ADGRL3: variants seen among roughly 807,000 people sequenced by gnomAD.
ADGRL3 encodes the protein adhesion G protein-coupled receptor L3, also known as calcium-independent alpha-latrotoxin receptor 3.
In ADGRL3, 62 loss-of-function variants were observed where a neutral mutation model predicts 153.5. The ratio of observed to expected loss-of-function variants is 0.40; its 90% CI spans 0.33 to 0.50. ADGRL3 has a LOEUF of 0.50. Among genes scored for constraint, ADGRL3 ranks in the 20% least tolerant of loss-of-function variants. ADGRL3 has a pLI of 0.47. For missense variants in ADGRL3, 1,641 were observed against 1,859.4 expected (o/e 0.88, Z 2.16); for synonymous variants, 710 against 672.5 (o/e 1.06, Z -0.86).
At chr4:61,637,769 C>T (rs943393437) in intron 5 of ADGRL3, among the ~76,000 whole-genome samples, 4 of 151,832 alleles carry the variant, frequency 2.6e-5, no homozygotes, top group African/African-American at 9.7e-5. Flanking sequence ...CCCCCACCCC[C>T]CAAAAACGTC....
rs2098699142 is a variant in ADGRL3, at chr4:61,907,040, T to A, written c.1888-2520T>A. 2.0e-5 allele frequency among the ~76,000 whole-genome samples: 3 copies of A among 152,052 alleles called. No homozygotes were observed. In the South Asian group the frequency reaches 6.2e-4, roughly 32 times the overall value. ...AAAATAATTTTGTACATAATGATAC[T>A]GTTATATATTTAAATAGTAATGGTG... On this transcript the variant is annotated intron_variant, in intron 11 of 26. Transcript: ENST00000683033.
At chr4:61,420,788 TC>T (rs2097196959) in intron 2 of ADGRL3, 1 of 16,776 alleles carries the variant, frequency 6.0e-5, no homozygotes, top group African/African-American at 1.5e-4. Flanking sequence ...ATACCCAAGG[TC>T]AAAAAAAAAA....
At chr4:61,832,489 T>A (rs2097883300) in intron 9 of ADGRL3, among the ~76,000 whole-genome samples, 1 of 152,168 alleles carries the variant, frequency 6.6e-6, no homozygotes. Flanking sequence ...GAAAAGGAAA[T>A]TCTGCAGAAA....
At chr4:61,617,029 A>T (rs1017012376) in intron 5 of ADGRL3, among the ~76,000 whole-genome samples, 2 of 152,106 alleles carry the variant, frequency 1.3e-5, no homozygotes, top group African/African-American at 2.4e-5. Context: ...CCTTAAAATA[A>T]TTTTTTATAT....
At chr4:61,797,656 A>T (rs1561268336) in intron 8 of ADGRL3, among the ~76,000 whole-genome samples, 1 of 152,188 alleles carries the variant, frequency 6.6e-6, no homozygotes, top group African/African-American at 2.4e-5. Flanking sequence ...TACACAAGCC[A>T]AATGATAAAC....
intron 4 of ADGRL3, among the ~76,000 whole-genome samples, chr4:61,538,446 G>C (rs963673238): frequency 3.3e-5 from 5 of 151,822 alleles, no homozygotes; most frequent in African/African-American, 1.2e-4. Context: ...TTGTTTGTTT[G>C]TTTTTTTGTT....
chr4:61,822,345 C>T (rs1483082042), intron 9 of ADGRL3, among the ~76,000 whole-genome samples: 1 of 151,884 alleles, frequency 6.6e-6, no homozygotes. Context: ...TACCTTGTAT[C>T]AAACACAGAA....
At chr4:61,673,610 A>C (rs1303772108) in intron 5 of ADGRL3, among the ~76,000 whole-genome samples, 1 of 151,448 alleles carries the variant, frequency 6.6e-6, no homozygotes, top group Non-Finnish European at 1.5e-5. Flanking sequence ...TTATATCTTA[A>C]TTTCATTTTA....
At chr4:61,776,012 T>G (rs2097145300) in intron 8 of ADGRL3, among the ~76,000 whole-genome samples, 1 of 152,184 alleles carries the variant, frequency 6.6e-6, no homozygotes, top group Non-Finnish European at 1.5e-5. Context: ...GCCATTCTCC[T>G]GTCTCGGCCT....
intron 9 of ADGRL3, among the ~76,000 whole-genome samples, chr4:61,867,735 T>C (rs2098411514): frequency 6.6e-6 from 1 of 151,650 alleles, no homozygotes; most frequent in Non-Finnish European, 1.5e-5. Flanking sequence ...GAAGTCTGTG[T>C]TGTGGAGAAA....
At chr4:61,440,485 G>C (rs755100829) in intron 2 of ADGRL3, among the ~76,000 whole-genome samples, 3 of 152,194 alleles carry the variant, frequency 2.0e-5, no homozygotes, top group Non-Finnish European at 2.9e-5. Context: ...AGGTGATTCA[G>C]AGCCTATTTA....
chr4:61,383,091 A>T (rs1450255328), intron 1 of ADGRL3, 33 bp from the exon 2 acceptor site: 1 of 151,790 alleles, frequency 6.6e-6, no homozygotes, highest in African/African-American at 2.4e-5. Flanking sequence ...TTTTTCTCAT[A>T]ATCAAATTAA....
chr4:61,628,387 A>C (rs2149973478), intron 5 of ADGRL3, among the ~76,000 whole-genome samples: 1 of 152,288 alleles, frequency 6.6e-6, no homozygotes, highest in African/African-American at 2.4e-5. Flanking sequence ...CTTAATGATT[A>C]GTGGGATGAA....
Position 61,421,195 on chromosome 4 carries a change from T to A in ADGRL3, c.-174+38006T>A, listed in dbSNP as rs368969273. ...TAAAAATACAAAAAATTAGCTGGGC[T>A]TGGTGGCGGACGCCTGTAGTCCCAG... On this transcript the variant is annotated intron_variant, in intron 2 of 26. Transcript: ENST00000683033. Among the ~76,000 whole-genome samples the A allele has an allele frequency of 8.3e-3, 1,267 of 152,062 alleles. 27 individuals carry two copies. Among genetic ancestry groups the A allele is most frequent in the African/African-American group, 0.029 (1,191 of 41,484 alleles).
chr4:61,456,453 CTA>C lies in ADGRL3; in HGVS notation c.-173-40659_-173-40658del, dbSNP rs796588403. On this transcript the variant is annotated intron_variant, in intron 2 of 26. Coordinates refer to ENST00000683033, the MANE Select transcript of ADGRL3 (RefSeq NM_001387552.1). ...TCTATATATATAGATATATCTATAT[CTA>C]TATATATAGATATATCTATATCTAT... Among the ~76,000 whole-genome samples the C allele has an allele frequency of 7.2e-5, 7 of 97,810 alleles. 1 individual carries two copies. The highest frequency in any genetic ancestry group is 2.5e-4 in the African/African-American group (6 of 24,260). The allele number at this position is 97,810 out of a possible 152,430, so 64.2% of individuals were successfully genotyped here.
intron 8 of ADGRL3, among the ~76,000 whole-genome samples, chr4:61,737,980 A>G (rs763671133): frequency 6.6e-6 from 1 of 151,360 alleles, no homozygotes; most frequent in Non-Finnish European, 1.5e-5. Flanking sequence ...ATTTGGTTAC[A>G]TGAGTAAGTT....
At chr4:61,406,715 G>A (rs1680308336) in intron 2 of ADGRL3, among the ~76,000 whole-genome samples, 1 of 151,924 alleles carries the variant, frequency 6.6e-6, no homozygotes, top group African/African-American at 2.4e-5. Context: ...GGAGAGGCAA[G>A]GGTAGCTCAG....
rs1420543069 is a variant in ADGRL3, at chr4:61,201,089, C to A, written c.-916C>A. On this transcript the variant is annotated 5_prime_UTR_variant, in exon 1 of 27. Coordinates refer to ENST00000683033, the MANE Select transcript of ADGRL3 (RefSeq NM_001387552.1). The stretch of plus-strand genomic sequence containing the variant: ...GAGGACGGTTTGGCGGAGAAGCCAC[C>A]CCTGGCCCTCGCGGCTCCCCCTACC... 6.6e-6 allele frequency among the ~76,000 whole-genome samples: 1 copy of A among 152,074 alleles called. No individual in the cohort carries two copies. Among genetic ancestry groups the A allele is most frequent in the Non-Finnish European group, 1.5e-5 (1 of 68,008 alleles).
rs1401727432 is a variant in ADGRL3 at position 61,579,581 on chromosome 4, G to A, written c.260-7646G>A. 4 of 512,044 alleles carry A rather than the reference G, an allele frequency of 7.8e-6. No homozygotes were observed. In the East Asian group the frequency reaches 2.2e-4, roughly 29 times the overall value. The allele number at this position is 512,044 out of a possible 1,614,324, so 31.7% of individuals were successfully genotyped here. Reference sequence around the variant, plus strand: ...TTGAAGGTCACAACTTTGTGTATGTGCCCTCAAAAAGGATGAGGTTCATGA... The same window carrying A: ...TTGAAGGTCACAACTTTGTGTATGTACCCTCAAAAAGGATGAGGTTCATGA... On this transcript the variant is annotated intron_variant, in intron 4 of 26. Transcript: ENST00000683033.
Sources: gnomAD v4.1 joint callset for allele counts (sites outside exome capture counted in the v4.1 genomes callset) on GRCh38, gnomAD v4.1.1 for gene constraint, MANE v1.5 for transcripts, NCBI Gene and HGNC (gene_info 2026-07-23, HGNC 2026-07-21) for gene names.